The following DTNA variants were observed in gnomAD, a reference collection of about 807,000 sequenced individuals.
DTNA encodes the protein dystrophin-related protein 3.
Under a neutral mutation model 100.7 loss-of-function variants are expected in DTNA, and 43 were observed. The observed-to-expected ratio is 0.43, with a 90% confidence interval of 0.33 to 0.55. The LOEUF is 0.55. Ranked by LOEUF, DTNA falls within the 20% of genes least tolerant of loss-of-function variation. The probability of loss-of-function intolerance (pLI) is 0.04; values close to 1 mark genes in which losing one functional copy is unlikely to be tolerated. For synonymous variants in DTNA, 349 were observed against 347.9 expected, an observed-to-expected ratio of 1.00 and a Z score of -0.04; for missense variants, 798 against 953.9, an observed-to-expected ratio of 0.84 and a Z score of 2.15.
At chr18:34,832,714 G>C (rs574208809) in intron 11 of DTNA, among the ~76,000 whole-genome samples, 20 of 151,828 alleles carry the variant, frequency 1.3e-4, no homozygotes, top group African/African-American at 4.1e-4. Context: ...TTTTAATACT[G>C]GTCTATGAAT....
chr18:34,881,916 G>GT (rs1029487291), intron 20 of DTNA, among the ~76,000 whole-genome samples, 153 bp from the exon 21 acceptor site: 5 of 151,960 alleles, frequency 3.3e-5, no homozygotes, highest in Admixed American at 1.3e-4. Flanking sequence ...ATGTTTCCAA[G>GT]TTTTTTTTAG....
Position 34,718,203 on chromosome 18 carries a change from A to C in DTNA, c.-2+7758A>C, listed in dbSNP as rs532417968. On this transcript the variant is annotated intron_variant, in intron 1 of 22. Transcript: ENST00000444659. The stretch of plus-strand genomic sequence containing the variant: ...AACTTACATAAATCATCCTCTTGGA[A>C]GTAGGCGCAACTACATCATGTATGT... 1.4e-4 allele frequency among the ~76,000 whole-genome samples: 21 copies of C among 152,278 alleles called. No homozygotes were observed. In the East Asian group the frequency reaches 3.3e-3, roughly 24 times the overall value.
chr18:34,568,954 A>T (rs78463699), intron 1 of DTNA, among the ~76,000 whole-genome samples: 139 of 152,358 alleles, frequency 9.1e-4, no homozygotes, highest in African/African-American at 3.1e-3. Context: ...CTAATCAAAT[A>T]TATTCATGAC....
upstream of DTNA, among the ~76,000 whole-genome samples, chr18:34,707,421 G>A (rs921177955): frequency 5.3e-5 from 8 of 152,030 alleles, no homozygotes; most frequent in Non-Finnish European, 1.0e-4. Flanking sequence ...TTTGCAAAAG[G>A]GGATTTAAAA....
chr18:34,774,887 T>A (rs1440413126), intron 3 of DTNA, among the ~76,000 whole-genome samples: 1 of 152,236 alleles, frequency 6.6e-6, no homozygotes, highest in South Asian at 2.1e-4. Context: ...TGACCTCTTA[T>A]CTCAACCCAG....
intron 2 of DTNA, among the ~76,000 whole-genome samples, chr18:34,761,929 GAA>G (rs1285704765): frequency 2.6e-5 from 4 of 151,922 alleles, no homozygotes; most frequent in African/African-American, 9.7e-5. Flanking sequence ...GAAAAATAAT[GAA>G]GAGTACATTG....
At position 34,765,823 on chromosome 18, in the gene DTNA, G is replaced by T. The variant is rs112339594; in HGVS notation, c.68-138G>T. On this transcript the variant is annotated intron_variant, in intron 2 of 22. Coordinates refer to ENST00000444659, the MANE Select transcript of DTNA (RefSeq NM_001386795.1). ...CCTTGAATAGGACAGACCTGTTCAA[G>T]TCTTAAAGTTATATTTATATTCTAA... 319 of 837,368 alleles carry T rather than the reference G, an allele frequency of 3.8e-4. 1 individual carries two copies. In the African/African-American group the frequency reaches 4.8e-3, roughly 13 times the overall value. The allele number at this position is 837,368 out of a possible 1,614,324, so 51.9% of individuals were successfully genotyped here. A position where few individuals can be genotyped will look rare whatever the true frequency, so the allele number is the denominator to read the frequency against.
intron 1 of DTNA, among the ~76,000 whole-genome samples, chr18:34,695,546 C>G (rs1177019208): frequency 6.6e-6 from 1 of 152,160 alleles, no homozygotes; most frequent in Non-Finnish European, 1.5e-5. Context: ...ACATAAATAA[C>G]TGAAGCATTG....
chr18:34,738,830 C>T (rs551871622), intron 1 of DTNA, among the ~76,000 whole-genome samples: 5 of 152,148 alleles, frequency 3.3e-5, no homozygotes, highest in African/African-American at 4.8e-5. Flanking sequence ...GAATGCATGC[C>T]TAGAGAAAGT....
intron 1 of DTNA, among the ~76,000 whole-genome samples, chr18:34,684,161 A>AT (rs2078526115): frequency 2.0e-5 from 3 of 152,000 alleles, no homozygotes; most frequent in African/African-American, 7.2e-5. Flanking sequence ...TTTTATGTAT[A>AT]TATATACTTT....
chr18:34,607,044 C>T (rs1020080660), intron 1 of DTNA, among the ~76,000 whole-genome samples: 3 of 152,152 alleles, frequency 2.0e-5, no homozygotes, highest in Admixed American at 2.0e-4. Context: ...CTCAAAATGG[C>T]CTCCCATCTG....
In DTNA at chr18:34,890,989, T is replaced by G. The variant is rs2096961871; in HGVS notation, c.*3255T>G. The G allele has an allele frequency of 6.5e-6, 1 of 152,698 alleles. No individual in the cohort carries two copies. Among genetic ancestry groups the G allele is most frequent in the Admixed American group, 6.5e-5 (1 of 15,280 alleles). The allele number at this position is 152,698 out of a possible 1,614,324, so 9.5% of individuals were successfully genotyped here. ...ATCCAGCAACCTTTGGTTGCTGCAT[T>G]CCCCTTGGTTCGATTCCACGCAAGG... On this transcript the variant is annotated 3_prime_UTR_variant, in exon 23 of 23. Transcript: ENST00000444659.
At chr18:34,630,285 A>T (rs991872388) in intron 1 of DTNA, among the ~76,000 whole-genome samples, 1 of 152,134 alleles carries the variant, frequency 6.6e-6, no homozygotes, top group African/African-American at 2.4e-5. Flanking sequence ...ATTCCACTTC[A>T]GGCAGCCCAC....
intron 1 of DTNA, among the ~76,000 whole-genome samples, chr18:34,567,834 T>G (rs554797699): frequency 6.6e-6 from 1 of 152,306 alleles, no homozygotes; most frequent in East Asian, 1.9e-4. Context: ...TAGAATTTAA[T>G]AAGCCTTTCA....
At chr18:34,742,287 G>C (rs1601236190) in intron 1 of DTNA, among the ~76,000 whole-genome samples, 1 of 152,154 alleles carries the variant, frequency 6.6e-6, no homozygotes, top group Admixed American at 6.5e-5. Context: ...TTATCTTACT[G>C]TTCTGAGATC....
intron 1 of DTNA, among the ~76,000 whole-genome samples, chr18:34,591,103 T>C (rs1490410037): frequency 6.6e-6 from 1 of 152,174 alleles, no homozygotes; most frequent in Non-Finnish European, 1.5e-5. Flanking sequence ...TTAGCAAACC[T>C]AAACATTTCA....
At chr18:34,743,527 G>T (rs952589622) in intron 1 of DTNA, among the ~76,000 whole-genome samples, 3 of 152,054 alleles carry the variant, frequency 2.0e-5, no homozygotes, top group Non-Finnish European at 4.4e-5. Context: ...TTAATATTTA[G>T]CTATGAATTA....
chr18:34,620,388 T>C (rs1215014040), intron 1 of DTNA, among the ~76,000 whole-genome samples: 1 of 152,154 alleles, frequency 6.6e-6, no homozygotes, highest in East Asian at 1.9e-4. Context: ...ATAATTTGAA[T>C]ACACAGAAAA....
intron 1 of DTNA, among the ~76,000 whole-genome samples, chr18:34,660,335 C>T (rs757090379): frequency 4.6e-5 from 7 of 151,454 alleles, no homozygotes; most frequent in Non-Finnish European, 1.0e-4. Context: ...CACAACTGAG[C>T]AGCATTAACA....
Sources: allele counts gnomAD v4.1 joint callset (sites outside exome capture counted in the v4.1 genomes callset), GRCh38; gene constraint gnomAD v4.1.1; transcripts MANE v1.5; gene names NCBI Gene and HGNC (gene_info 2026-07-23, HGNC 2026-07-21).